Variants in SCG3 observed in about 807,000 individuals in gnomAD.
SCG3 encodes the protein secretogranin III, also known as secretogranin-3.
SCG3 carries 38 observed loss-of-function variants against 56.2 expected under a neutral mutation model. The observed-to-expected ratio is 0.68, with a 90% CI of 0.52 to 0.89. SCG3 has a LOEUF of 0.89. Ranked by LOEUF, SCG3 falls within the 40% of genes least tolerant of loss-of-function variation. SCG3 has a pLI of 0.00. For missense variants in SCG3, 524 were observed against 540.7 expected (o/e 0.97, Z 0.31); for synonymous variants, 176 against 184.2 (o/e 0.96, Z 0.36).
intron 6 of SCG3, 31 bp downstream of exon 6, chr15:51,689,399 G>GT (rs745575095): frequency 0.43 from 439,483 of 1,029,820 alleles, 86,101 homozygotes; most frequent in African/African-American, 0.46. Flanking sequence ...ATATGCATGG[G>GT]GGTGTGTGTG....
At chr15:51,693,470 C>T (rs532876572) in intron 7 of SCG3, 1 of 152,210 alleles carries the variant, frequency 6.6e-6, no homozygotes, top group South Asian at 2.1e-4. Context: ...TTTCATGCAT[C>T]CTGATCTCTT....
chr15:51,694,903 C>T (rs368986848), intron 7 of SCG3, among the ~76,000 whole-genome samples: 12 of 151,992 alleles, frequency 7.9e-5, no homozygotes, highest in African/African-American at 2.7e-4. Flanking sequence ...TGGTGGCGCA[C>T]GCCTATAATC....
At chr15:51,687,771 T>C (rs1478379710) in intron 4 of SCG3, among the ~76,000 whole-genome samples, 1 of 152,226 alleles carries the variant, frequency 6.6e-6, no homozygotes, top group Non-Finnish European at 1.5e-5. Context: ...ACTGTCTGAT[T>C]CTGGGTGTGA....
In SCG3 at chr15:51,691,764, T is replaced by A. The variant is rs139769241; in HGVS notation, c.691-395T>A. On this transcript the variant is annotated intron_variant, in intron 6 of 11. Transcript: ENST00000220478. ...CTAGGGATAGACATTCTAACAGGCT[T>A]TCCTGTATCCTGGCACCAGCCCTCC... is the stretch of plus-strand genomic sequence containing the variant. 1.1e-3 allele frequency among the ~76,000 whole-genome samples: 162 copies of A among 152,298 alleles called. 1 individual carries two copies. Among genetic ancestry groups the A allele is most frequent in the Non-Finnish European group, 1.7e-3 (115 of 68,018 alleles).
rs2055487106 is a variant in SCG3, at chr15:51,720,130, CT to C, written c.*605del. 6.6e-6 allele frequency: 1 copy of C among 152,306 alleles called. No homozygotes were observed. The highest frequency in any genetic ancestry group is 2.4e-5 in the African/African-American group (1 of 41,456). 9.4% of individuals were successfully genotyped at this position (152,306 alleles called of 1,614,324 possible). A position where few individuals can be genotyped will look rare whatever the true frequency, so the allele number is the denominator to read the frequency against. ...TGCTGGATTTACTAACAATTTCCCC[CT>C]GTTCTTAACACTTCCTATTAGTGAC... On this transcript the variant is annotated 3_prime_UTR_variant, in exon 12 of 12. Coordinates refer to ENST00000220478, the MANE Select transcript of SCG3 (RefSeq NM_013243.4).
chr15:51,703,229 G>C (rs949304167), intron 10 of SCG3, among the ~76,000 whole-genome samples: 1 of 152,154 alleles, frequency 6.6e-6, no homozygotes, highest in Non-Finnish European at 1.5e-5. Context: ...CCCACTTAAA[G>C]GTTCCCCACC....
intron 10 of SCG3, among the ~76,000 whole-genome samples, chr15:51,703,093 T>C (rs1169483277): frequency 2.0e-5 from 3 of 152,230 alleles, no homozygotes; most frequent in East Asian, 3.8e-4. Context: ...GAGATTTTCA[T>C]TGGTTATGTA....
chr15:51,705,432 G>C (rs1235322681), intron 10 of SCG3, among the ~76,000 whole-genome samples: 1 of 152,186 alleles, frequency 6.6e-6, no homozygotes, highest in Non-Finnish European at 1.5e-5. Context: ...AATGATAAGA[G>C]TGGATTTCCC....
chr15:51,692,434 A>T, intron 7 of SCG3, 98 bp downstream of exon 7: 3 of 1,178,108 alleles, frequency 2.5e-6, no homozygotes. Context: ...TTCCAAATGT[A>T]ATCTCCAATG....
intron 8 of SCG3, among the ~76,000 whole-genome samples, chr15:51,697,067 GT>G (rs2055308559): frequency 6.6e-6 from 1 of 151,744 alleles, no homozygotes; most frequent in African/African-American, 2.4e-5. Flanking sequence ...TAAAAAGAAA[GT>G]GAAAATCACT....
Position 51,720,405 on chromosome 15 carries a change from G to A in SCG3, c.*879G>A, listed in dbSNP as rs913501977. 1 of 152,212 alleles carries A rather than the reference G, an allele frequency of 6.6e-6. No individual in the cohort carries two copies. 9.4% of individuals were successfully genotyped at this position (152,212 alleles called of 1,614,324 possible). ...GTCGAGCAGCTTTCCTGGAGGAAAA[G>A]GTTAATGAACTTCAGGTCCCTGCAA... is the stretch of plus-strand genomic sequence containing the variant. On this transcript the variant is annotated 3_prime_UTR_variant, in exon 12 of 12. Coordinates refer to ENST00000220478, the MANE Select transcript of SCG3 (RefSeq NM_013243.4).
intron 4 of SCG3, among the ~76,000 whole-genome samples, chr15:51,685,251 C>T (rs1167076034): frequency 6.6e-6 from 1 of 152,144 alleles, no homozygotes; most frequent in Non-Finnish European, 1.5e-5. Context: ...TACAAATAGA[C>T]ACTGATTATA....
At position 51,688,405 on chromosome 15, in the gene SCG3, A is replaced by G. The variant is rs753611905; in HGVS notation, c.540+3A>G. 1 of 1,612,478 alleles carries G rather than the reference A, an allele frequency of 6.2e-7. No individual in the cohort carries two copies. Among genetic ancestry groups the G allele is most frequent in the Non-Finnish European group, 8.5e-7 (1 of 1,178,868 alleles). ...CTAAACTACTTAATCTCGGCCTTGTAAGTCATTTGGTAGGAAATAAACCAA... is the reference window on the plus strand; with the variant it reads ...CTAAACTACTTAATCTCGGCCTTGTGAGTCATTTGGTAGGAAATAAACCAA... On this transcript the variant is annotated splice_donor_region_variant and intron_variant, in intron 5 of 11. Transcript: ENST00000220478.
chr15:51,682,436 T>C, intron 1 of SCG3, 81 bp from the exon 2 acceptor site: 1 of 685,376 alleles, frequency 1.5e-6, no homozygotes, highest in Non-Finnish European at 2.4e-6. Context: ...TTTTTCCTTT[T>C]TATAAAAATT....
chr15:51,696,843 C>G (rs903160482), intron 8 of SCG3, among the ~76,000 whole-genome samples: 1 of 152,250 alleles, frequency 6.6e-6, no homozygotes, highest in South Asian at 2.1e-4. Flanking sequence ...CCCCATGATC[C>G]AATCACCTCC....
At position 51,717,775 on chromosome 15, in the gene SCG3, T is replaced by C. The variant is rs1485807370; in HGVS notation, c.1289-1633T>C. ...GTCAGCCTCCACGTGTTCACCTATC[T>C]GGAAGCTCCTGAACCCTGTCCTCTT... On this transcript the variant is annotated intron_variant, in intron 11 of 11. Transcript: ENST00000220478. 3.3e-5 allele frequency among the ~76,000 whole-genome samples: 5 copies of C among 152,218 alleles called. No individual in the cohort carries two copies. The East Asian group carries it at 9.6e-4, about 29-fold the overall frequency.
At position 51,719,753 on chromosome 15, in the gene SCG3, T is replaced by C. The variant is rs2055484214; in HGVS notation, c.*227T>C. The C allele has an allele frequency of 5.7e-6, 3 of 522,078 alleles. No individual in the cohort carries two copies. Among genetic ancestry groups the C allele is most frequent in the Non-Finnish European group, 1.0e-5 (3 of 295,294 alleles). 32.3% of individuals were successfully genotyped at this position (522,078 alleles called of 1,614,324 possible). A position where few individuals can be genotyped will look rare whatever the true frequency, so the allele number is the denominator to read the frequency against. ...GAGATTTTGTATACAGAATCCTTAT[T>C]TCCTCATAGACTTATATTTTATAAT... On this transcript the variant is annotated 3_prime_UTR_variant, in exon 12 of 12. Transcript: ENST00000220478.
At chr15:51,711,210 A>G (rs1163226405) in intron 10 of SCG3, among the ~76,000 whole-genome samples, 4 of 152,218 alleles carry the variant, frequency 2.6e-5, no homozygotes, top group Non-Finnish European at 4.4e-5. Flanking sequence ...CTAGCTATGA[A>G]GAGGGAGGCA....
intron 11 of SCG3, among the ~76,000 whole-genome samples, chr15:51,714,433 G>T (rs986363819): frequency 1.3e-5 from 2 of 152,094 alleles, no homozygotes; most frequent in African/African-American, 4.8e-5. Flanking sequence ...CAACAGAGGA[G>T]ATAAAAAGGA....
Sources: allele counts gnomAD v4.1 joint callset (sites outside exome capture counted in the v4.1 genomes callset), GRCh38; gene constraint gnomAD v4.1.1; transcripts MANE v1.5; gene names NCBI Gene and HGNC (gene_info 2026-07-23, HGNC 2026-07-21).